The following YPEL1 variants were observed in gnomAD, a reference collection of about 807,000 sequenced individuals.
The protein encoded by YPEL1 is protein yippee-like 1.
YPEL1 carries 7 observed loss-of-function variants against 17.3 expected under a neutral mutation model. The ratio of observed to expected loss-of-function variants is 0.40; its 90% CI spans 0.23 to 0.76. The LOEUF (loss-of-function observed/expected upper bound fraction) is 0.76. Among genes scored for constraint, YPEL1 ranks in the 30% least tolerant of loss-of-function variants. The probability of loss-of-function intolerance (pLI) is 0.35; values close to 1 mark genes in which losing one functional copy is unlikely to be tolerated. For missense variants in YPEL1, 91 were observed against 155.5 expected (o/e 0.59, Z 2.21); for synonymous variants, 59 against 59.6 (o/e 0.99, Z 0.05).
rs556850988 is a variant in YPEL1, at chr22:21,722,425, C to G, written c.-164-11517G>C. ...AGTGAGACTCGTTCTCAAAAAAACC[C>G]CAAAACCAAAAAACACCTGTCTCTA... is the stretch of plus-strand genomic sequence containing the variant. On this transcript the variant is annotated intron_variant, in intron 1 of 4. Coordinates refer to ENST00000339468, the MANE Select transcript of YPEL1 (RefSeq NM_013313.5). Among the ~76,000 whole-genome samples the G allele has an allele frequency of 6.0e-4, 91 of 150,910 alleles. 1 individual carries two copies. The highest frequency in any genetic ancestry group is 2.0e-3 in the African/African-American group (84 of 41,188).
chr22:21,719,557 A>C (rs1259770703), intron 1 of YPEL1, among the ~76,000 whole-genome samples: 1 of 152,210 alleles, frequency 6.6e-6, no homozygotes, highest in Non-Finnish European at 1.5e-5. Flanking sequence ...AGAGAGCTAC[A>C]GAAACTGCCC....
At chr22:21,708,944 G>A (rs1181419246) in intron 2 of YPEL1, among the ~76,000 whole-genome samples, 1 of 152,116 alleles carries the variant, frequency 6.6e-6, no homozygotes, top group Non-Finnish European at 1.5e-5. Context: ...AAAGTGCTGG[G>A]ATTACAGGGG....
rs1243562600 is a variant in YPEL1, at chr22:21,698,234, T to C, written c.*2895A>G. 8.1e-6 allele frequency: 1 copy of C among 123,520 alleles called. No homozygotes were observed. Among genetic ancestry groups the C allele is most frequent in the East Asian group, 2.1e-4 (1 of 4,668 alleles). The allele number at this position is 123,520 out of a possible 1,614,324, so 7.7% of individuals were successfully genotyped here. ...TTGCAGAAGCCCAACAAAAAAAAAG[T>C]GATAAAAGTGTTGTTGGTATAAATT... On this transcript the variant is annotated 3_prime_UTR_variant, in exon 5 of 5. Coordinates refer to ENST00000339468, the MANE Select transcript of YPEL1 (RefSeq NM_013313.5).
Position 21,703,363 on chromosome 22 carries a change from C to T in YPEL1, c.270+7G>A. On this transcript the variant is annotated splice_region_variant and intron_variant, in intron 4 of 4. Transcript: ENST00000339468. This position sits in a 1 kb window ranked among gnomAD's most constrained non-coding sequence, Gnocchi z 6.1. ...TTGTGGCACGAGCATCCCCTTGTGG[C>T]ACTCACGTATTTCCACCCGAGCGTG... The T allele has an allele frequency of 6.2e-7, 1 of 1,612,722 alleles. No individual in the cohort carries two copies. Among genetic ancestry groups the T allele is most frequent in the South Asian group, 1.1e-5 (1 of 91,062 alleles).
intron 2 of YPEL1, among the ~76,000 whole-genome samples, chr22:21,706,085 G>A (rs756134856): frequency 4.7e-5 from 7 of 150,262 alleles, no homozygotes; most frequent in African/African-American, 1.2e-4. Flanking sequence ...AGCCAAGATC[G>A]CGCCATTGCA....
chr22:21,712,348 T>C (rs1480474577), intron 1 of YPEL1, among the ~76,000 whole-genome samples: 7 of 139,436 alleles, frequency 5.0e-5, no homozygotes, highest in African/African-American at 1.9e-4. Context: ...TCTCTATATA[T>C]CCTAGTTATT....
chr22:21,733,197 C>T (rs568507134), intron 1 of YPEL1, among the ~76,000 whole-genome samples: 2 of 152,200 alleles, frequency 1.3e-5, no homozygotes, highest in African/African-American at 2.4e-5. Flanking sequence ...GGTGGCAGAT[C>T]ATCTGAGGTC....
intron 1 of YPEL1, among the ~76,000 whole-genome samples, chr22:21,732,349 C>T (rs1198889506): frequency 2.0e-5 from 3 of 152,234 alleles, no homozygotes; most frequent in African/African-American, 7.2e-5. Context: ...GATCTAACTA[C>T]TTAAAAACAT....
intron 1 of YPEL1, among the ~76,000 whole-genome samples, chr22:21,732,827 G>A (rs577557406): frequency 6.6e-6 from 1 of 152,118 alleles, no homozygotes; most frequent in Non-Finnish European, 1.5e-5. Context: ...TGCAAGGTAG[G>A]CTGGGCTCAC....
intron 1 of YPEL1, chr22:21,723,050 A>G (rs2068299111): frequency 6.6e-6 from 1 of 152,092 alleles, no homozygotes; most frequent in East Asian, 1.9e-4. Flanking sequence ...GGAGGTCACC[A>G]TATTGATGCC....
At chr22:21,716,028 C>T (rs1443790322) in intron 1 of YPEL1, among the ~76,000 whole-genome samples, 3 of 152,216 alleles carry the variant, frequency 2.0e-5, no homozygotes, top group African/African-American at 4.8e-5. Context: ...TCCCAAAGTG[C>T]TGGGATTACA....
intron 1 of YPEL1, among the ~76,000 whole-genome samples, chr22:21,712,910 A>G (rs1276528610): frequency 6.6e-6 from 1 of 152,116 alleles, no homozygotes; most frequent in Non-Finnish European, 1.5e-5. Context: ...AAACTCCTAC[A>G]ACTCAACAAA....
At position 21,711,026 on chromosome 22, in the gene YPEL1, A is replaced by ATT. The variant is rs770316486; in HGVS notation, c.-164-120_-164-119dup. The ATT allele has an allele frequency of 6.1e-3, 1,571 of 259,402 alleles. 14 individuals are homozygous for ATT. Among genetic ancestry groups the ATT allele is most frequent in the African/African-American group, 0.022 (928 of 42,850 alleles). 16.1% of individuals were successfully genotyped at this position (259,402 alleles called of 1,614,324 possible). On this transcript the variant is annotated intron_variant, in intron 1 of 4. Coordinates refer to ENST00000339468, the MANE Select transcript of YPEL1 (RefSeq NM_013313.5). ...GGGGTGGGGGGGTGGCAGGACTAGAATTTTTTTTTTTTTTTGAGATGGAGT... is the reference window on the plus strand; with the variant it reads ...GGGGTGGGGGGGTGGCAGGACTAGAATTTTTTTTTTTTTTTTTGAGATGGAGT...
At chr22:21,719,934 C>T (rs1354742736) in intron 1 of YPEL1, among the ~76,000 whole-genome samples, 2 of 151,462 alleles carry the variant, frequency 1.3e-5, no homozygotes, top group Non-Finnish European at 2.9e-5. Context: ...ATCGTTTGAA[C>T]CTGGGGGGCG....
intron 1 of YPEL1, among the ~76,000 whole-genome samples, chr22:21,718,353 T>A (rs1389563206): frequency 6.6e-6 from 1 of 151,732 alleles, no homozygotes; most frequent in Non-Finnish European, 1.5e-5. Flanking sequence ...TAGTCCCAGC[T>A]ACTTGGGAGG....
intron 1 of YPEL1, among the ~76,000 whole-genome samples, 172 bp downstream of exon 1, chr22:21,735,443 C>T (rs1449821587): frequency 6.6e-6 from 1 of 152,176 alleles, no homozygotes; most frequent in Non-Finnish European, 1.5e-5. Flanking sequence ...AGCCCAATAT[C>T]AACAAATCAA....
chr22:21,729,897 C>T (rs937207333), intron 1 of YPEL1, among the ~76,000 whole-genome samples: 3 of 152,132 alleles, frequency 2.0e-5, no homozygotes, highest in African/African-American at 7.2e-5. Context: ...TCTGTAATCC[C>T]AGCACTTTAG....
chr22:21,734,553 G>A (rs989416778), intron 1 of YPEL1, among the ~76,000 whole-genome samples: 10 of 152,162 alleles, frequency 6.6e-5, no homozygotes, highest in Non-Finnish European at 1.3e-4. Context: ...GTTCCCACAA[G>A]TAGATGAGAC....
In YPEL1 at chr22:21,733,447, AAACT is replaced by A. The variant is rs149392279; in HGVS notation, c.-165+2164_-165+2167del. On this transcript the variant is annotated intron_variant, in intron 1 of 4. Transcript: ENST00000339468. ...AATAAACAAATAAAGTAACAAAACA[AAACT>A]AACTGGGGGTGGTGGCTCACACCTA... Among the ~76,000 whole-genome samples, 348 of 151,874 alleles carry A rather than the reference AAACT, an allele frequency of 2.3e-3. 4 individuals carry two copies. Among genetic ancestry groups the A allele is most frequent in the East Asian group, 0.018 (92 of 5,158 alleles).
Sources: allele counts gnomAD v4.1 joint callset (sites outside exome capture counted in the v4.1 genomes callset), GRCh38; gene constraint gnomAD v4.1.1; non-coding constraint Gnocchi (gnomAD v3.1); transcripts MANE v1.5; gene names NCBI Gene and HGNC (gene_info 2026-07-23, HGNC 2026-07-21).